Variants in CNTNAP2 observed in about 807,000 individuals in gnomAD.
CNTNAP2 encodes the protein contactin-associated protein-like 2.
Under a neutral mutation model 155.2 loss-of-function variants are expected in CNTNAP2, and 98 were observed. That is an observed-to-expected ratio of 0.63 (90% confidence interval 0.54 to 0.75). The LOEUF (loss-of-function observed/expected upper bound fraction) is 0.75, where lower values mean the gene tolerates loss of function less well. Among genes scored for constraint, CNTNAP2 ranks in the 30% least tolerant of loss-of-function variants. The pLI is 0.00. For missense variants in CNTNAP2, 1,727 were observed against 1,688.1 expected (o/e 1.02, Z -0.40); for synonymous variants, 651 against 631.2 (o/e 1.03, Z -0.47).
chr7:147,884,615 T>G (rs987089115), intron 13 of CNTNAP2, among the ~76,000 whole-genome samples: 2 of 151,944 alleles, frequency 1.3e-5, no homozygotes, highest in African/African-American at 4.8e-5. Context: ...CAAGGAAAAA[T>G]GTATTCTGTG....
chr7:146,993,710 C>G (rs1406304123), intron 3 of CNTNAP2, among the ~76,000 whole-genome samples: 1 of 151,906 alleles, frequency 6.6e-6, no homozygotes, highest in African/African-American at 2.4e-5. Flanking sequence ...ATACGTATCC[C>G]CAAATTCATG....
At chr7:147,830,471 C>T (rs1249173283) in intron 13 of CNTNAP2, among the ~76,000 whole-genome samples, 1 of 152,146 alleles carries the variant, frequency 6.6e-6, no homozygotes, top group Non-Finnish European at 1.5e-5. Context: ...AAGATTTCAG[C>T]ATATTAATTT....
intron 12 of CNTNAP2, among the ~76,000 whole-genome samples, chr7:147,596,985 G>A (rs557144729): frequency 7.0e-6 from 1 of 143,174 alleles, no homozygotes; most frequent in African/African-American, 2.6e-5. Context: ...AAAGAAGGGA[G>A]GAGTCCTCAG....
intron 13 of CNTNAP2, among the ~76,000 whole-genome samples, chr7:147,719,533 T>C (rs944280701): frequency 3.3e-5 from 5 of 152,078 alleles, no homozygotes; most frequent in Non-Finnish European, 7.4e-5. Context: ...TGGTCATAAA[T>C]ACAATAATAA....
chr7:146,523,689 C>G (rs7787592), intron 1 of CNTNAP2, among the ~76,000 whole-genome samples: 3,514 of 152,158 alleles, frequency 0.023, 138 homozygotes, highest in African/African-American at 0.081. Flanking sequence ...TCTAATACGT[C>G]TTTTGACCTA....
intron 3 of CNTNAP2, among the ~76,000 whole-genome samples, chr7:146,992,606 G>A (rs1005074805): frequency 1.1e-4 from 16 of 152,076 alleles, no homozygotes; most frequent in African/African-American, 3.9e-4. Context: ...GAACTTACCG[G>A]CTCCACCCCA....
chr7:147,246,910 AT>A (rs1208767581), intron 8 of CNTNAP2, among the ~76,000 whole-genome samples: 2 of 152,214 alleles, frequency 1.3e-5, no homozygotes, highest in Non-Finnish European at 1.5e-5. Context: ...AAGGCAAATT[AT>A]TTTGGAAAGT....
chr7:147,575,371 G>GGTGTGTGT (rs149655952), intron 12 of CNTNAP2, among the ~76,000 whole-genome samples: 3 of 95,880 alleles, frequency 3.1e-5, no homozygotes, highest in Admixed American at 2.2e-4. Context: ...TAGCTTTAGG[G>GGTGTGTGT]GTGTGTGTGT....
chr7:147,360,160 GA>G (rs1316992220), intron 9 of CNTNAP2, among the ~76,000 whole-genome samples: 21 of 152,128 alleles, frequency 1.4e-4, no homozygotes, highest in African/African-American at 4.8e-4. Flanking sequence ...TTCAAGCTTT[GA>G]CCTAATTTGT....
At chr7:146,526,366 G>A (rs1797691893) in intron 1 of CNTNAP2, among the ~76,000 whole-genome samples, 1 of 152,154 alleles carries the variant, frequency 6.6e-6, no homozygotes, top group Non-Finnish European at 1.5e-5. Flanking sequence ...CAGGAAGTGT[G>A]GTGCTGATAT....
chr7:146,887,253 A>G (rs1357520529), intron 3 of CNTNAP2, among the ~76,000 whole-genome samples: 2 of 151,958 alleles, frequency 1.3e-5, no homozygotes, highest in African/African-American at 2.4e-5. Context: ...AGTTCAGACA[A>G]TTCTCCTGCC....
chr7:148,120,556 T>G (rs939993218), intron 16 of CNTNAP2, among the ~76,000 whole-genome samples: 2 of 152,126 alleles, frequency 1.3e-5, no homozygotes, highest in Non-Finnish European at 2.9e-5. Context: ...CATGAGCCAC[T>G]GCACCCAGCC....
chr7:147,978,214 T>C (rs1438237043), intron 15 of CNTNAP2: 2 of 561,790 alleles, frequency 3.6e-6, no homozygotes, highest in African/African-American at 1.9e-5. Context: ...TTCCTCTATA[T>C]TCATATGTAA....
intron 13 of CNTNAP2, among the ~76,000 whole-genome samples, chr7:147,810,328 G>T (rs954783971): frequency 1.3e-5 from 2 of 151,720 alleles, no homozygotes; most frequent in African/African-American, 4.8e-5. Flanking sequence ...AGTAGACTTG[G>T]ATTTACATTC....
chr7:147,755,604 A>T (rs904841860), intron 13 of CNTNAP2, among the ~76,000 whole-genome samples: 3 of 152,186 alleles, frequency 2.0e-5, no homozygotes, highest in Admixed American at 2.0e-4. Context: ...GAGAGCCAAA[A>T]TCATGCCACT....
chr7:147,675,572 GAT>G (rs1452128736), intron 13 of CNTNAP2, among the ~76,000 whole-genome samples: 1 of 152,004 alleles, frequency 6.6e-6, no homozygotes, highest in Non-Finnish European at 1.5e-5. Context: ...TCCCTCCATG[GAT>G]TGGATGATTC....
intron 12 of CNTNAP2, among the ~76,000 whole-genome samples, chr7:147,607,507 T>A (rs1236828747): frequency 6.6e-6 from 1 of 152,060 alleles, no homozygotes; most frequent in Non-Finnish European, 1.5e-5. Flanking sequence ...TTGGAAGCAA[T>A]GAGAAAGGGT....
intron 14 of CNTNAP2, among the ~76,000 whole-genome samples, chr7:147,916,912 G>A (rs116788639): frequency 0.015 from 2,243 of 152,148 alleles, 55 homozygotes; most frequent in African/African-American, 0.049. Flanking sequence ...AATGATGCTC[G>A]CTCACTTGTA....
At chr7:147,350,170 T>C (rs1410649324) in intron 9 of CNTNAP2, among the ~76,000 whole-genome samples, 3 of 151,932 alleles carry the variant, frequency 2.0e-5, no homozygotes, top group Non-Finnish European at 4.4e-5. Context: ...TACACGTTTG[T>C]TATTTAGTAA....
Sources: gnomAD v4.1 joint callset for allele counts (sites outside exome capture counted in the v4.1 genomes callset) on GRCh38, gnomAD v4.1.1 for gene constraint, MANE v1.5 for transcripts, NCBI Gene and HGNC (gene_info 2026-07-23, HGNC 2026-07-21) for gene names.